VWA8: variants seen among roughly 807,000 people sequenced by gnomAD.
The protein encoded by VWA8 is von Willebrand factor A domain containing 8.
In VWA8, 221 loss-of-function variants were observed where a neutral mutation model predicts 241.5. That is an observed-to-expected ratio of 0.91 (90% CI 0.82 to 1.02). The LOEUF (loss-of-function observed/expected upper bound fraction) is 1.02, where lower values mean the gene tolerates loss of function less well. Ranked by LOEUF, VWA8 falls within the 50% of genes least tolerant of loss-of-function variation. The pLI, the probability that VWA8 is intolerant of heterozygous loss-of-function variation, is 0.00. For missense variants in VWA8, 2,322 were observed against 2,328.7 expected, an observed-to-expected ratio of 1.00 and a Z score of 0.06; for synonymous variants, 852 against 827.1, an observed-to-expected ratio of 1.03 and a Z score of -0.52.
chr13:41,813,080 C>T (rs1024619561), intron 16 of VWA8, among the ~76,000 whole-genome samples: 48 of 152,212 alleles, frequency 3.2e-4, no homozygotes, highest in African/African-American at 1.0e-3. Context: ...GGAAGGCTTG[C>T]TCTCAAACAA....
chr13:41,617,743 G>T (rs888294278), intron 37 of VWA8, among the ~76,000 whole-genome samples: 2 of 151,960 alleles, frequency 1.3e-5, no homozygotes, highest in African/African-American at 2.4e-5. Context: ...TGCAGTGTTT[G>T]GTTTTCTGTC....
chr13:41,579,571 TCACTTA>T (rs2044369960), intron 42 of VWA8, among the ~76,000 whole-genome samples: 1 of 152,226 alleles, frequency 6.6e-6, no homozygotes, highest in Non-Finnish European at 1.5e-5. Flanking sequence ...TGCTTGTTAA[TCACTTA>T]ACCTCTCTGA....
At chr13:41,926,203 C>A (rs1427844513) in intron 2 of VWA8, 1 of 685,578 alleles carries the variant, frequency 1.5e-6, no homozygotes, top group Non-Finnish European at 2.6e-6. Context: ...TATGAGATCA[C>A]ACTGCTGTCT....
chr13:41,714,847 G>A (rs1475454533), intron 26 of VWA8, among the ~76,000 whole-genome samples: 1 of 151,860 alleles, frequency 6.6e-6, no homozygotes, highest in African/African-American at 2.4e-5. Context: ...TATATTGTAT[G>A]TACATGACAT....
At chr13:41,792,217 T>C (rs1869491477) in intron 17 of VWA8, among the ~76,000 whole-genome samples, 1 of 151,772 alleles carries the variant, frequency 6.6e-6, no homozygotes, top group Non-Finnish European at 1.5e-5. Context: ...AGTTACTTTA[T>C]AGTCCCTGAA....
intron 43 of VWA8, among the ~76,000 whole-genome samples, chr13:41,573,475 A>T (rs1478588124): frequency 2.0e-5 from 2 of 101,784 alleles, no homozygotes; most frequent in Middle Eastern, 4.3e-3. Flanking sequence ...GCTATAGTTT[A>T]AAAAAAAAAA....
chr13:41,584,566 G>A (rs1032321995), intron 42 of VWA8, among the ~76,000 whole-genome samples: 2 of 152,034 alleles, frequency 1.3e-5, no homozygotes, highest in Non-Finnish European at 2.9e-5. Flanking sequence ...AATACACTGG[G>A]GTCTTAAGAC....
At chr13:41,640,296 T>C (rs985129343) in intron 37 of VWA8, among the ~76,000 whole-genome samples, 2 of 152,124 alleles carry the variant, frequency 1.3e-5, no homozygotes, top group Non-Finnish European at 2.9e-5. Flanking sequence ...TCACATTACA[T>C]AGACCATAAA....
At position 41,719,254 on chromosome 13, in the gene VWA8, G is replaced by C. The variant is rs1282510582; in HGVS notation, c.3116+337C>G. The C allele has an allele frequency of 4.1e-6, 3 of 736,314 alleles. No homozygotes were observed. The African/African-American group carries it at 5.8e-5, about 14-fold the overall frequency. The allele number at this position is 736,314 out of a possible 1,614,324, so 45.6% of individuals were successfully genotyped here. A position where few individuals can be genotyped will look rare whatever the true frequency, so the allele number is the denominator to read the frequency against. ...AACTAAATGTACATTATCTCTATGT[G>C]ATTTTCATGCTCGTACAATGATGTG... On this transcript the variant is annotated intron_variant, in intron 26 of 44. Coordinates refer to ENST00000379310, the MANE Select transcript of VWA8 (RefSeq NM_015058.2).
chr13:41,577,882 A>T (rs2044360475), intron 42 of VWA8, among the ~76,000 whole-genome samples: 1 of 152,216 alleles, frequency 6.6e-6, no homozygotes, highest in East Asian at 1.9e-4. Context: ...ATCTTTGATC[A>T]TATGGTCTGT....
rs74612406 is a variant in VWA8 at position 41,580,150 on chromosome 13, C to T, written c.5272-4312G>A. Among the ~76,000 whole-genome samples the T allele has an allele frequency of 4.2e-4, 64 of 152,178 alleles. No individual in the cohort carries two copies. In the East Asian group the frequency reaches 5.8e-3, roughly 14 times the overall value. Reference sequence around the variant, plus strand: ...AATTATAGGCATGAACCACTGTGCCCGGCCCAGTGTTTTTACTACAGAGAA... The same window carrying T: ...AATTATAGGCATGAACCACTGTGCCTGGCCCAGTGTTTTTACTACAGAGAA... On this transcript the variant is annotated intron_variant, in intron 42 of 44. Coordinates refer to ENST00000379310, the MANE Select transcript of VWA8 (RefSeq NM_015058.2).
In VWA8 at chr13:41,882,397, G is replaced by C. The variant is rs577056051; in HGVS notation, c.1080+990C>G. 1.6e-3 allele frequency among the ~76,000 whole-genome samples: 246 copies of C among 152,222 alleles called. 1 individual carries two copies. The highest frequency in any genetic ancestry group is 5.7e-3 in the African/African-American group (236 of 41,542). On this transcript the variant is annotated intron_variant, in intron 9 of 44. Coordinates refer to ENST00000379310, the MANE Select transcript of VWA8 (RefSeq NM_015058.2). Reference sequence around the variant, plus strand: ...CAGAGACGCTCCTCACTTCCCAGACGGGGTGGCGGCCAGGCAGAGGCTGCA... The same window carrying C: ...CAGAGACGCTCCTCACTTCCCAGACCGGGTGGCGGCCAGGCAGAGGCTGCA...
At chr13:41,603,468 T>A (rs2044534617) in intron 40 of VWA8, among the ~76,000 whole-genome samples, 1 of 152,124 alleles carries the variant, frequency 6.6e-6, no homozygotes, top group Non-Finnish European at 1.5e-5. Flanking sequence ...TATAGCATAG[T>A]CCTCAACAAA....
chr13:41,582,877 A>G (rs543829557), intron 42 of VWA8, among the ~76,000 whole-genome samples: 2 of 151,908 alleles, frequency 1.3e-5, no homozygotes, highest in Admixed American at 1.3e-4. Context: ...GCAGTGGCTT[A>G]CTCTTCACTC....
intron 21 of VWA8, among the ~76,000 whole-genome samples, chr13:41,737,517 C>G (rs1256575078): frequency 6.6e-6 from 1 of 152,202 alleles, no homozygotes; most frequent in Non-Finnish European, 1.5e-5. Context: ...TCCTTAGCCC[C>G]TCAAACAAAA....
chr13:41,596,867 A>G (rs1647627189), intron 40 of VWA8, among the ~76,000 whole-genome samples: 1 of 151,724 alleles, frequency 6.6e-6, no homozygotes, highest in South Asian at 2.1e-4. Context: ...AATAAACTTG[A>G]CAAAAACCAA....
chr13:41,732,929 A>T (rs1347778510), intron 21 of VWA8, among the ~76,000 whole-genome samples: 1 of 152,224 alleles, frequency 6.6e-6, no homozygotes, highest in Non-Finnish European at 1.5e-5. Context: ...TAAGGGGATC[A>T]ATTTTGTATC....
chr13:41,639,911 T>C (rs1303220500), intron 37 of VWA8, among the ~76,000 whole-genome samples: 2 of 152,078 alleles, frequency 1.3e-5, no homozygotes, highest in Non-Finnish European at 2.9e-5. Context: ...CACCTGCACA[T>C]GTACTCCTGG....
intron 20 of VWA8, among the ~76,000 whole-genome samples, chr13:41,764,988 T>C (rs905429193): frequency 6.6e-6 from 1 of 151,716 alleles, no homozygotes. Context: ...AAGCAGGAGA[T>C]GATGGTGGTC....
Sources: gnomAD v4.1 joint callset for allele counts (sites outside exome capture counted in the v4.1 genomes callset) on GRCh38, gnomAD v4.1.1 for gene constraint, MANE v1.5 for transcripts, NCBI Gene and HGNC (gene_info 2026-07-23, HGNC 2026-07-21) for gene names.